FAM13C: variants seen among roughly 807,000 people sequenced by gnomAD.
The protein encoded by FAM13C is family with sequence similarity 13 member C.
A neutral mutation model predicts 73.2 loss-of-function variants in FAM13C; 37 were observed. The ratio of observed to expected loss-of-function variants is 0.51; its 90% CI spans 0.39 to 0.67. The LOEUF is 0.67. Among genes scored for constraint, FAM13C ranks in the 30% least tolerant of loss-of-function variants. The probability of loss-of-function intolerance (pLI) is 0.00; values close to 1 mark genes in which losing one functional copy is unlikely to be tolerated. For synonymous variants in FAM13C, 246 were observed against 260.9 expected (o/e 0.94, Z 0.55); for missense variants, 589 against 715.6 (o/e 0.82, Z 2.02).
intron 4 of FAM13C, among the ~76,000 whole-genome samples, chr10:59,315,873 G>C (rs1412823351): frequency 6.6e-6 from 1 of 152,090 alleles, no homozygotes; most frequent in East Asian, 1.9e-4. Flanking sequence ...TTCTCTCAAA[G>C]TTACTAGTTG....
intron 6 of FAM13C, among the ~76,000 whole-genome samples, chr10:59,272,954 T>TAAC: frequency 6.6e-6 from 1 of 152,224 alleles, no homozygotes. Context: ...AGTAAGAGAT[T>TAAC]AACAACAACA....
At chr10:59,343,553 G>T (rs1051819695) in intron 3 of FAM13C, among the ~76,000 whole-genome samples, 13 of 152,160 alleles carry the variant, frequency 8.5e-5, no homozygotes, top group African/African-American at 3.1e-4. Context: ...ATTGAGTTAT[G>T]GGGTTATGGT....
At chr10:59,270,235 G>A in intron 6 of FAM13C, 126 bp from the exon 7 acceptor site, 2 of 909,324 alleles carry the variant, frequency 2.2e-6, no homozygotes, top group Non-Finnish European at 1.6e-6. Flanking sequence ...TTCCTTCTGG[G>A]GATATGAAAA....
chr10:59,321,645 T>C (rs1370102375), intron 4 of FAM13C, among the ~76,000 whole-genome samples: 1 of 152,008 alleles, frequency 6.6e-6, no homozygotes, highest in Non-Finnish European at 1.5e-5. Flanking sequence ...TAAAGGCTCC[T>C]TGTGCTCAAA....
chr10:59,330,734 G>T (rs1239519087), intron 3 of FAM13C, among the ~76,000 whole-genome samples: 2 of 152,116 alleles, frequency 1.3e-5, no homozygotes, highest in East Asian at 1.9e-4. Flanking sequence ...GCCTTGCACA[G>T]GTCTCCAACT....
chr10:59,290,665 T>G (rs939388640), intron 5 of FAM13C, among the ~76,000 whole-genome samples: 3 of 152,170 alleles, frequency 2.0e-5, no homozygotes, highest in Admixed American at 6.5e-5. Context: ...GTGTCTCTTT[T>G]AGCATCTTGT....
chr10:59,303,085 CT>C (rs965885450), intron 4 of FAM13C, among the ~76,000 whole-genome samples: 2 of 152,188 alleles, frequency 1.3e-5, no homozygotes, highest in African/African-American at 4.8e-5. Flanking sequence ...CACTCTCACC[CT>C]TGTTCACCAC....
intron 3 of FAM13C, among the ~76,000 whole-genome samples, chr10:59,340,893 T>G (rs909471371): frequency 6.6e-6 from 1 of 151,954 alleles, no homozygotes; most frequent in African/African-American, 2.4e-5. Flanking sequence ...TTTTGTTTCA[T>G]CCTTTTGAGT....
chr10:59,273,956 T>C (rs936368887), intron 6 of FAM13C, among the ~76,000 whole-genome samples: 4 of 152,194 alleles, frequency 2.6e-5, no homozygotes, highest in Non-Finnish European at 5.9e-5. Flanking sequence ...GGTGCTGAGA[T>C]GTGTAGATTC....
chr10:59,265,335 G>GCGGGGGGGA (rs78422182), intron 8 of FAM13C, among the ~76,000 whole-genome samples: 1 of 16,056 alleles, frequency 6.2e-5, no homozygotes, highest in African/African-American at 2.9e-4. Flanking sequence ...GGGGGGGGGG[G>GCGGGGGGGA]AATCCTGGTT....
At chr10:59,328,543 C>A (rs1851495917) in intron 3 of FAM13C, among the ~76,000 whole-genome samples, 1 of 152,164 alleles carries the variant, frequency 6.6e-6, no homozygotes, top group African/African-American at 2.4e-5. Flanking sequence ...CCATTCTAAT[C>A]CCAGATCTTG....
intron 4 of FAM13C, among the ~76,000 whole-genome samples, chr10:59,313,768 T>C (rs1295596118): frequency 3.9e-5 from 6 of 152,088 alleles, no homozygotes; most frequent in African/African-American, 1.4e-4. Context: ...ATTTAGCCAG[T>C]GTACACAAAA....
In FAM13C at chr10:59,352,343, A is replaced by C; in HGVS notation, c.251T>G (p.Met84Arg). The C allele has an allele frequency of 6.2e-7, 1 of 1,614,228 alleles. No individual in the cohort carries two copies. Among genetic ancestry groups the C allele is most frequent in the South Asian group, 1.1e-5 (1 of 91,086 alleles). The change falls in exon 3 of 14, where the codon ATG becomes AGG. Residue 84 changes from methionine to arginine, a missense_variant. Transcript: ENST00000618804. ...VLVDSVLRPSMGNFKSRKPKS... is the reference protein window; with the variant it reads ...VLVDSVLRPSRGNFKSRKPKS... Reference sequence around the variant, plus strand: ...GGGCTTCCTGGACTTGAAGTTGCCCATGCTGGGTCGCAATACGCTGTCCAC... The same window carrying C: ...GGGCTTCCTGGACTTGAAGTTGCCCCTGCTGGGTCGCAATACGCTGTCCAC...
At chr10:59,306,596 C>A (rs1848284949) in intron 4 of FAM13C, among the ~76,000 whole-genome samples, 1 of 152,154 alleles carries the variant, frequency 6.6e-6, no homozygotes, top group Non-Finnish European at 1.5e-5. Context: ...AGGTGAGAGG[C>A]CGGGCGTTGT....
At chr10:59,303,190 G>T (rs1002133557) in intron 4 of FAM13C, among the ~76,000 whole-genome samples, 6 of 152,098 alleles carry the variant, frequency 3.9e-5, no homozygotes, top group African/African-American at 1.4e-4. Flanking sequence ...AGCCCAGACT[G>T]CTCTCCCCTG....
chr10:59,248,516 A>G (rs1589318838), intron 13 of FAM13C, among the ~76,000 whole-genome samples: 1 of 152,202 alleles, frequency 6.6e-6, no homozygotes, highest in South Asian at 2.1e-4. Context: ...CTAAAGGGAA[A>G]AATTGCGACA....
chr10:59,331,369 G>A (rs1233459463), intron 3 of FAM13C, among the ~76,000 whole-genome samples: 1 of 152,198 alleles, frequency 6.6e-6, no homozygotes, highest in African/African-American at 2.4e-5. Flanking sequence ...AGGCAAACAT[G>A]TGTAAGTGAG....
At chr10:59,362,358 AAAG>A in intron 1 of FAM13C, 38 bp downstream of exon 1, 19 of 1,607,330 alleles carry the variant, frequency 1.2e-5, no homozygotes, top group Non-Finnish European at 1.6e-5. Context: ...GCTTCCAGAG[AAAG>A]GCATGCAAGT....
chr10:59,261,087 TA>T (rs1842462345), intron 10 of FAM13C, among the ~76,000 whole-genome samples: 1 of 152,134 alleles, frequency 6.6e-6, no homozygotes, highest in Non-Finnish European at 1.5e-5. Flanking sequence ...AAAGTGACTT[TA>T]AAATACTGGA....
Sources: gnomAD v4.1 joint callset for allele counts (sites outside exome capture counted in the v4.1 genomes callset) on GRCh38, gnomAD v4.1.1 for gene constraint, MANE v1.5 for transcripts, NCBI Gene and HGNC (gene_info 2026-07-23, HGNC 2026-07-21) for gene names.